The following PAFAH1B1 variants were observed in gnomAD, a reference collection of about 807,000 sequenced individuals.
The protein encoded by PAFAH1B1 is platelet activating factor acetylhydrolase 1b regulatory subunit 1.
A neutral mutation model predicts 57.5 loss-of-function variants in PAFAH1B1; 2 were observed. The observed-to-expected ratio is 0.03, with a 90% CI of 0.01 to 0.11. PAFAH1B1 has a LOEUF of 0.11. Among genes scored for constraint, PAFAH1B1 ranks in the 10% least tolerant of loss-of-function variants. The probability of loss-of-function intolerance (pLI) is 1.00; values close to 1 mark genes in which losing one functional copy is unlikely to be tolerated. For synonymous variants in PAFAH1B1, 152 were observed against 169.6 expected (o/e 0.90, Z 0.81); for missense variants, 257 against 512.0 (o/e 0.50, Z 4.81).
intron 2 of PAFAH1B1, among the ~76,000 whole-genome samples, chr17:2,664,745 A>C (rs536809023): frequency 1.3e-5 from 2 of 150,978 alleles, no homozygotes. Flanking sequence ...AGCATTTTGT[A>C]TAAAGGGTAC....
chr17:2,608,208 C>T (rs2068227638), intron 1 of PAFAH1B1, among the ~76,000 whole-genome samples: 2 of 152,078 alleles, frequency 1.3e-5, no homozygotes, highest in African/African-American at 2.4e-5. Flanking sequence ...CCTCAGCCTC[C>T]TGAGTAGCTG....
chr17:2,644,709 T>TGGAG (rs1170233122), intron 2 of PAFAH1B1, among the ~76,000 whole-genome samples: 1 of 152,234 alleles, frequency 6.6e-6, no homozygotes, highest in Non-Finnish European at 1.5e-5. Context: ...TGTGTACCTT[T>TGGAG]GTATTATTTG....
intron 1 of PAFAH1B1, among the ~76,000 whole-genome samples, chr17:2,606,920 G>A (rs768860516): frequency 5.4e-5 from 8 of 147,560 alleles, no homozygotes; most frequent in Non-Finnish European, 1.2e-4. Context: ...TGCCTCCCAG[G>A]TTCACACCAT....
intron 1 of PAFAH1B1, among the ~76,000 whole-genome samples, chr17:2,614,267 A>T (rs2068309535): frequency 1.3e-5 from 2 of 152,104 alleles, no homozygotes; most frequent in South Asian, 4.2e-4. Context: ...AGCTCAAGGG[A>T]TCCTCATGCC....
rs1376912435 is a variant in PAFAH1B1, at chr17:2,683,307, T to C, written c.*1505T>C. On this transcript the variant is annotated 3_prime_UTR_variant, in exon 11 of 11. Transcript: ENST00000397195. The stretch of plus-strand genomic sequence containing the variant: ...TCCATTGCTTAGCTAACCAACAGGT[T>C]TTTTTTGTTTCCAAGAGAGTTATTT... The C allele has an allele frequency of 2.0e-5, 3 of 152,130 alleles. No individual in the cohort carries two copies. Among genetic ancestry groups the C allele is most frequent in the Non-Finnish European group, 4.4e-5 (3 of 67,980 alleles). 9.4% of individuals were successfully genotyped at this position (152,130 alleles called of 1,614,324 possible).
intron 6 of PAFAH1B1, among the ~76,000 whole-genome samples, chr17:2,672,307 A>AT (rs1464235241): frequency 5.9e-5 from 9 of 151,514 alleles, no homozygotes. Context: ...AAAAAAAAAA[A>AT]AAAAATGTTT....
chr17:2,626,599 A>C (rs1384099456), intron 1 of PAFAH1B1, among the ~76,000 whole-genome samples: 3 of 110,586 alleles, frequency 2.7e-5, no homozygotes, highest in African/African-American at 1.0e-4. Context: ...TGTCGCCCAG[A>C]GCTGGAGTGC....
intron 7 of PAFAH1B1, 29 bp downstream of exon 7, chr17:2,672,786 G>A: frequency 1.4e-6 from 2 of 1,399,634 alleles, no homozygotes; most frequent in Non-Finnish European, 2.0e-6. Flanking sequence ...AAAGGCATCA[G>A]CGGCCAGGTG....
At chr17:2,650,526 A>T (rs2068834053) in intron 2 of PAFAH1B1, among the ~76,000 whole-genome samples, 2 of 149,560 alleles carry the variant, frequency 1.3e-5, no homozygotes, top group African/African-American at 4.9e-5. Context: ...AAAAAAAAAA[A>T]TACAGGGATG....
chr17:2,681,680 G>T (rs1286363727), intron 10 of PAFAH1B1, 49 bp from the exon 11 acceptor site: 2 of 1,442,562 alleles, frequency 1.4e-6, no homozygotes, highest in Non-Finnish European at 1.9e-6. Flanking sequence ...TATGTTTGTT[G>T]TCCAGGCTTA....
intron 2 of PAFAH1B1, among the ~76,000 whole-genome samples, chr17:2,656,043 C>T (rs2068932015): frequency 6.6e-6 from 1 of 152,080 alleles, no homozygotes; most frequent in Non-Finnish European, 1.5e-5. Context: ...CTGCTTCAGC[C>T]TCCCAAGTGA....
intron 10 of PAFAH1B1, 89 bp from the exon 11 acceptor site, chr17:2,681,640 A>G: frequency 2.0e-6 from 2 of 1,016,310 alleles, no homozygotes; most frequent in Non-Finnish European, 3.0e-6. Context: ...TTTTTTTTTA[A>G]TTTTGTATTT....
intron 2 of PAFAH1B1, among the ~76,000 whole-genome samples, chr17:2,654,711 A>G (rs947125617): frequency 1.3e-5 from 2 of 152,090 alleles, no homozygotes; most frequent in African/African-American, 4.8e-5. Flanking sequence ...GCTCAATCTC[A>G]GTTCACTGCA....
rs543413879 is a variant in PAFAH1B1 at position 2,612,285 on chromosome 17, C to T, written c.-191+18279C>T. Among the ~76,000 whole-genome samples, 332 of 150,756 alleles carry T rather than the reference C, an allele frequency of 2.2e-3. 2 individuals carry two copies. The highest frequency in any genetic ancestry group is 7.7e-3 in the African/African-American group (314 of 40,942). On this transcript the variant is annotated intron_variant, in intron 1 of 10. Transcript: ENST00000397195. ...GTGGCATGATCTCCACTCACTGCAA[C>T]CTCCGCCTCGTGGGTTCGAGTGATT...
chr17:2,634,940 A>C (rs1039067505), intron 1 of PAFAH1B1, among the ~76,000 whole-genome samples: 8 of 152,188 alleles, frequency 5.3e-5, no homozygotes, highest in African/African-American at 1.9e-4. Flanking sequence ...AGGCCGGCGG[A>C]TCACTTGAAG....
At chr17:2,621,411 A>G (rs1443339920) in intron 1 of PAFAH1B1, among the ~76,000 whole-genome samples, 1 of 152,154 alleles carries the variant, frequency 6.6e-6, no homozygotes, top group Non-Finnish European at 1.5e-5. Context: ...AACATCTGGT[A>G]ACTTGCAAGG....
At chr17:2,601,409 A>G (rs528180099) in intron 1 of PAFAH1B1, among the ~76,000 whole-genome samples, 90 of 151,760 alleles carry the variant, frequency 5.9e-4, no homozygotes, top group Non-Finnish European at 1.0e-3. Context: ...CTAGGAGTAC[A>G]GGCATGAGCC....
chr17:2,617,430 G>A (rs901459408), intron 1 of PAFAH1B1, among the ~76,000 whole-genome samples: 1 of 152,146 alleles, frequency 6.6e-6, no homozygotes, highest in African/African-American at 2.4e-5. Context: ...CGAGGAGATG[G>A]TGAAGCTGTA....
At chr17:2,672,285 CAAA>C (rs35332619) in intron 6 of PAFAH1B1, among the ~76,000 whole-genome samples, 8 of 69,588 alleles carry the variant, frequency 1.1e-4, no homozygotes, top group African/African-American at 2.0e-4. Flanking sequence ...CCTTGCCTCA[CAAA>C]AAAAAAAAAA....
Sources: allele counts gnomAD v4.1 joint callset (sites outside exome capture counted in the v4.1 genomes callset), GRCh38; gene constraint gnomAD v4.1.1; transcripts MANE v1.5; gene names NCBI Gene and HGNC (gene_info 2026-07-23, HGNC 2026-07-21).